Variants in COLEC12 observed in about 807,000 individuals in gnomAD.
The protein encoded by COLEC12 is collectin subfamily member 12.
In COLEC12, 33 loss-of-function variants were observed where a neutral mutation model predicts 71.1. The observed-to-expected ratio is 0.46, with a 90% CI of 0.35 to 0.62. The LOEUF is 0.62. COLEC12 is among the 20% of genes least tolerant of loss of function. COLEC12 has a pLI of 0.00. For synonymous variants in COLEC12, 350 were observed against 353.0 expected (o/e 0.99, Z 0.10); for missense variants, 765 against 916.1 (o/e 0.84, Z 2.13).
intron 8 of COLEC12, among the ~76,000 whole-genome samples, chr18:329,409 C>T (rs1913919996): frequency 6.6e-6 from 1 of 152,184 alleles, no homozygotes; most frequent in South Asian, 2.1e-4. Flanking sequence ...GACCCCGGCG[C>T]TCTTGGCTGT....
intron 2 of COLEC12, among the ~76,000 whole-genome samples, chr18:442,762 C>A (rs1263556581): frequency 6.6e-6 from 1 of 152,204 alleles, no homozygotes; most frequent in Non-Finnish European, 1.5e-5. Flanking sequence ...GAGATCGAGA[C>A]CATCCTGGCT....
At chr18:489,995 G>A (rs1424231823) in intron 1 of COLEC12, among the ~76,000 whole-genome samples, 5 of 152,212 alleles carry the variant, frequency 3.3e-5, no homozygotes, top group East Asian at 1.9e-4. Flanking sequence ...CCCTCCATGC[G>A]CAAGTCCACT....
At chr18:448,598 A>T (rs1916698993) in intron 2 of COLEC12, among the ~76,000 whole-genome samples, 1 of 152,200 alleles carries the variant, frequency 6.6e-6, no homozygotes, top group African/African-American at 2.4e-5. Context: ...CGTGGAGTCC[A>T]AAGGGGAGGT....
chr18:349,680 T>C (rs1914465617), intron 3 of COLEC12, among the ~76,000 whole-genome samples: 1 of 152,182 alleles, frequency 6.6e-6, no homozygotes, highest in Non-Finnish European at 1.5e-5. Flanking sequence ...GGCTGTACCC[T>C]GCAAAGCCAC....
chr18:368,660 C>T (rs557580043), intron 2 of COLEC12, among the ~76,000 whole-genome samples: 117 of 151,526 alleles, frequency 7.7e-4, no homozygotes, highest in Middle Eastern at 3.4e-3. Flanking sequence ...GTCAGGAGAT[C>T]GAGACCAGCC....
chr18:495,135 C>CT (rs1028307138), intron 1 of COLEC12, among the ~76,000 whole-genome samples: 2 of 152,164 alleles, frequency 1.3e-5, no homozygotes, highest in Admixed American at 6.5e-5. Context: ...TCAGCAGGAC[C>CT]TTTTTGAGGT....
At position 480,563 on chromosome 18, in the gene COLEC12, A is replaced by G; in HGVS notation, c.58+144T>C. ...CCCTCCCCCTGGGACACAGACACTC[A>G]CTTTCCAACCAAAATTGGACCTCAG... is the stretch of plus-strand genomic sequence containing the variant. On this transcript the variant is annotated intron_variant, in intron 2 of 9. Transcript: ENST00000400256. This position sits in a 1 kb window ranked among gnomAD's most constrained non-coding sequence, Gnocchi z 4.1. The G allele has an allele frequency of 1.3e-6, 1 of 742,974 alleles. No homozygotes were observed. The highest frequency in any genetic ancestry group is 1.5e-5 in the South Asian group (1 of 65,696). The allele number at this position is 742,974 out of a possible 1,614,324, so 46.0% of individuals were successfully genotyped here.
rs570436633 is a variant in COLEC12, at chr18:413,773, T to C, written c.59-56251A>G. On this transcript the variant is annotated intron_variant, in intron 2 of 9. Transcript: ENST00000400256. The stretch of plus-strand genomic sequence containing the variant: ...AGACAGTGAATAGCTAAATAAACTA[T>C]GATACAGTACATATAACCTGATGGA... 3.3e-5 allele frequency among the ~76,000 whole-genome samples: 5 copies of C among 152,340 alleles called. No homozygotes were observed. In the East Asian group the frequency reaches 7.7e-4, roughly 23 times the overall value.
At chr18:353,639 A>C (rs901420868) in intron 3 of COLEC12, among the ~76,000 whole-genome samples, 1 of 152,242 alleles carries the variant, frequency 6.6e-6, no homozygotes, top group Non-Finnish European at 1.5e-5. Context: ...TTCAAGAGAC[A>C]CAGGCCATGG....
rs1555611780 is a variant in COLEC12 at position 319,329 on chromosome 18, A to AT, written c.*715_*716insA. 1.7e-4 allele frequency: 5 copies of AT among 29,524 alleles called. No individual in the cohort carries two copies. Among genetic ancestry groups the AT allele is most frequent in the African/African-American group, 4.4e-4 (4 of 9,184 alleles). 1.8% of individuals were successfully genotyped at this position (29,524 alleles called of 1,614,324 possible). ...CTGAGGAAATGAAACATTAAAAAAA[A>AT]AAAAAAAAAAAAATATATATATATA... is the stretch of plus-strand genomic sequence containing the variant. On this transcript the variant is annotated 3_prime_UTR_variant, in exon 10 of 10. Coordinates refer to ENST00000400256, the MANE Select transcript of COLEC12 (RefSeq NM_130386.3).
chr18:366,277 C>T (rs563523644), intron 2 of COLEC12, among the ~76,000 whole-genome samples: 21 of 152,262 alleles, frequency 1.4e-4, no homozygotes, highest in African/African-American at 4.8e-4. Flanking sequence ...GAGCCCTCTC[C>T]GCAGAGTAAC....
rs1915835082 is a variant in COLEC12, at chr18:408,706, A to G, written c.59-51184T>C. Among the ~76,000 whole-genome samples the G allele has an allele frequency of 6.6e-6, 1 of 152,220 alleles. No individual in the cohort carries two copies. Among genetic ancestry groups the G allele is most frequent in the South Asian group, 2.1e-4 (1 of 4,834 alleles). On this transcript the variant is annotated intron_variant, in intron 2 of 9. Coordinates refer to ENST00000400256, the MANE Select transcript of COLEC12 (RefSeq NM_130386.3). This position sits in a 1 kb window ranked among gnomAD's most constrained non-coding sequence, Gnocchi z 4.3. ...TTTCAGACAGAGGAAGTAGGTCTAA[A>G]TTCATTAATGTGTATAGATAGAGCT...
At chr18:320,170 A>C in intron 9 of COLEC12, 106 bp from the exon 10 acceptor site, 1 of 661,446 alleles carries the variant, frequency 1.5e-6, no homozygotes, top group Non-Finnish European at 2.7e-6. Flanking sequence ...TGTCTAAAAT[A>C]CATCATTCAA....
chr18:456,882 C>T (rs993000693), intron 2 of COLEC12, among the ~76,000 whole-genome samples: 5 of 149,196 alleles, frequency 3.4e-5, no homozygotes, highest in Admixed American at 6.6e-5. Context: ...TAAGGAAGAG[C>T]CAGGCAGGAA....
chr18:377,014 T>A (rs532686984), intron 2 of COLEC12, among the ~76,000 whole-genome samples: 8 of 152,252 alleles, frequency 5.3e-5, no homozygotes, highest in African/African-American at 1.7e-4. Context: ...CCTACAAAGT[T>A]GGTAAGAAAT....
chr18:362,988 T>C lies in COLEC12; in HGVS notation c.59-5466A>G, dbSNP rs1447937465. Among the ~76,000 whole-genome samples the C allele has an allele frequency of 6.6e-6, 1 of 151,958 alleles. No homozygotes were observed. The highest frequency in any genetic ancestry group is 1.5e-5 in the Non-Finnish European group (1 of 67,998). ...CCCAGTGCCCAAACTCAAAGTCCCC[T>C]GGGCTGCCCTGGTTCCAACAACACA... On this transcript the variant is annotated intron_variant, in intron 2 of 9. Transcript: ENST00000400256. This position sits in a 1 kb window ranked among gnomAD's most constrained non-coding sequence, Gnocchi z 4.6.
chr18:483,316 G>C (rs910667845), intron 1 of COLEC12, among the ~76,000 whole-genome samples: 2 of 150,320 alleles, frequency 1.3e-5, no homozygotes, highest in Non-Finnish European at 1.5e-5. Context: ...AGAATCACTT[G>C]AATCCAGGAG....
chr18:451,474 G>A lies in COLEC12; in HGVS notation c.58+29233C>T, dbSNP rs183222160. ...GCAAAGAAATGATCTGAGGCCAGGC[G>A]CGGTGGCTCATACCTGTAATCCCAG... On this transcript the variant is annotated intron_variant, in intron 2 of 9. Coordinates refer to ENST00000400256, the MANE Select transcript of COLEC12 (RefSeq NM_130386.3). 2.4e-3 allele frequency among the ~76,000 whole-genome samples: 359 copies of A among 152,286 alleles called. 2 individuals carry two copies. Among genetic ancestry groups the A allele is most frequent in the Non-Finnish European group, 2.4e-3 (164 of 68,022 alleles).
intron 2 of COLEC12, among the ~76,000 whole-genome samples, chr18:420,508 T>C (rs1916075725): frequency 6.6e-6 from 1 of 151,856 alleles, no homozygotes; most frequent in Non-Finnish European, 1.5e-5. Context: ...ACATAAAGAG[T>C]CTAAAATTCT....
Sources: allele counts gnomAD v4.1 joint callset (sites outside exome capture counted in the v4.1 genomes callset), GRCh38; gene constraint gnomAD v4.1.1; non-coding constraint Gnocchi (gnomAD v3.1); transcripts MANE v1.5; gene names NCBI Gene and HGNC (gene_info 2026-07-23, HGNC 2026-07-21).